LCOR: variants seen among roughly 807,000 people sequenced by gnomAD.
The protein encoded by LCOR is ligand-dependent corepressor.
A neutral mutation model predicts 64.4 loss-of-function variants in LCOR; 14 were observed. The ratio of observed to expected loss-of-function variants is 0.22; its 90% CI spans 0.14 to 0.34. The LOEUF is 0.34. LCOR is among the 10% of genes least tolerant of loss of function. The probability of loss-of-function intolerance (pLI) is 1.00; values close to 1 mark genes in which losing one functional copy is unlikely to be tolerated. For synonymous variants in LCOR, 643 were observed against 642.5 expected, an observed-to-expected ratio of 1.00 and a Z score of -0.01; for missense variants, 1,686 against 1,765.3, an observed-to-expected ratio of 0.96 and a Z score of 0.80.
In LCOR at chr10:96,983,512, A is replaced by G. The variant is rs1468968694; in HGVS notation, c.3052A>G (p.Ser1018Gly). ...APCSSLGLSS[S>G]GSGDAARAPK... ...ATGCAGCTCTCTTGGGTTGTCGAGT[A>G]GTGGAAGTGGTGATGCTGCTAGGGC... Residue 1018 changes from serine (S) to glycine (G), a missense_variant, in exon 8 of 8, where the codon AGT (serine) becomes GGT (glycine). This residue lies in a region of LCOR where 1,293 missense variants were observed against 1,410.4 expected (regional missense o/e 0.92). Coordinates refer to ENST00000421806, the MANE Select transcript of LCOR (RefSeq NM_001346516.2). This position sits in a 1 kb window ranked among gnomAD's most constrained non-coding sequence, Gnocchi z 4.5. 6.2e-7 allele frequency: 1 copy of G among 1,614,126 alleles called. No homozygotes were observed. Among genetic ancestry groups the G allele is most frequent in the South Asian group, 1.1e-5 (1 of 91,086 alleles).
intron 4 of LCOR, among the ~76,000 whole-genome samples, chr10:96,908,541 C>G (rs576493596): frequency 4.7e-4 from 71 of 152,240 alleles, no homozygotes; most frequent in African/African-American, 1.7e-3. Context: ...ATTGTATAAA[C>G]TGGGTGAACC....
intron 2 of LCOR, among the ~76,000 whole-genome samples, chr10:96,876,498 T>C (rs1374794559): frequency 2.0e-5 from 3 of 152,162 alleles, no homozygotes; most frequent in Non-Finnish European, 4.4e-5. Context: ...AATTAAATAC[T>C]TTATATGACA....
intron 2 of LCOR, among the ~76,000 whole-genome samples, chr10:96,856,524 T>C (rs1012130655): frequency 6.6e-6 from 1 of 151,326 alleles, no homozygotes; most frequent in African/African-American, 2.4e-5. Flanking sequence ...CCCACTGTCT[T>C]ACCCCGTCCC....
intron 2 of LCOR, among the ~76,000 whole-genome samples, chr10:96,842,311 CT>C (rs1275487497): frequency 1.3e-5 from 2 of 152,142 alleles, no homozygotes; most frequent in African/African-American, 4.8e-5. Context: ...AGGAGAATCG[CT>C]TGAACCCGGG....
chr10:96,943,530 T>TA (rs1217039646), intron 4 of LCOR, among the ~76,000 whole-genome samples: 1 of 152,244 alleles, frequency 6.6e-6, no homozygotes, highest in Non-Finnish European at 1.5e-5. Context: ...TTTGACCACT[T>TA]AATCAATTTA....
chr10:96,920,627 T>C (rs1251198752), intron 4 of LCOR, among the ~76,000 whole-genome samples: 1 of 146,276 alleles, frequency 6.8e-6, no homozygotes, highest in Non-Finnish European at 1.5e-5. Context: ...TATATATGTA[T>C]GTACATTCAT....
In LCOR at chr10:96,983,327, A is replaced by G. The variant is rs752398074; in HGVS notation, c.2867A>G (p.Glu956Gly). 1.8e-5 allele frequency: 29 copies of G among 1,614,116 alleles called. No individual in the cohort carries two copies. In the South Asian group the frequency reaches 3.2e-4, roughly 18 times the overall value. The change falls in exon 8 of 8, where the codon GAG (glutamate) becomes GGG (glycine). Residue 956 changes from glutamate to glycine, a missense_variant. Physicochemically the swap from Glu to Gly is moderately conservative, Grantham distance 98. Transcript: ENST00000421806. This position sits in a 1 kb window ranked among gnomAD's most constrained non-coding sequence, Gnocchi z 4.5. ...LEIYVQSKMDEKNAHIPSESI... is the reference protein window; with the variant it reads ...LEIYVQSKMDGKNAHIPSESI... Reference sequence around the variant, plus strand: ...ATCTATGTTCAGTCTAAAATGGATGAGAAGAATGCTCATATCCCCTCAGAA... The same window carrying G: ...ATCTATGTTCAGTCTAAAATGGATGGGAAGAATGCTCATATCCCCTCAGAA...
At chr10:96,951,403 T>C (rs1380412998) in intron 6 of LCOR, among the ~76,000 whole-genome samples, 6 of 152,150 alleles carry the variant, frequency 3.9e-5, no homozygotes, top group African/African-American at 1.4e-4. Flanking sequence ...GTCTTCTTAA[T>C]TGAAAAATTC....
At chr10:96,877,456 C>T (rs1333892614) in intron 2 of LCOR, among the ~76,000 whole-genome samples, 1 of 151,928 alleles carries the variant, frequency 6.6e-6, no homozygotes, top group South Asian at 2.1e-4. Context: ...CCTGGGAAGT[C>T]GTGGCTGCAG....
rs559077726 is a variant in LCOR at position 96,906,802 on chromosome 10, G to A, written c.-329-463G>A. Among the ~76,000 whole-genome samples the A allele has an allele frequency of 3.9e-5, 6 of 152,296 alleles. No homozygotes were observed. In the East Asian group the frequency reaches 9.6e-4, roughly 24 times the overall value. ...GTCTTGCACCTTGTGTTTGTGTGAT[G>A]TAGTTTTTCTCAGTAAATATTTCAT... On this transcript the variant is annotated intron_variant, in intron 2 of 7. Transcript: ENST00000421806.
At chr10:96,851,016 A>G (rs1845713718) in intron 2 of LCOR, among the ~76,000 whole-genome samples, 1 of 152,274 alleles carries the variant, frequency 6.6e-6, no homozygotes, top group African/African-American at 2.4e-5. Context: ...GCATAAGAGT[A>G]AACTTGATGT....
chr10:96,938,329 C>T (rs1294073286), intron 4 of LCOR, among the ~76,000 whole-genome samples: 1 of 151,800 alleles, frequency 6.6e-6, no homozygotes, highest in African/African-American at 2.4e-5. Context: ...CCGTAGACAC[C>T]CTCCAAAATG....
intron 2 of LCOR, among the ~76,000 whole-genome samples, chr10:96,904,288 A>C (rs948463461): frequency 6.6e-5 from 10 of 152,222 alleles, no homozygotes; most frequent in Non-Finnish European, 1.5e-5. Context: ...GGCTTCAGAA[A>C]ATGTTAGGAG....
chr10:96,888,867 A>G (rs1450822290), intron 2 of LCOR, among the ~76,000 whole-genome samples: 2 of 152,188 alleles, frequency 1.3e-5, no homozygotes, highest in Non-Finnish European at 2.9e-5. Flanking sequence ...TTCATTTGCT[A>G]TAGTTATGTT....
At chr10:96,975,299 T>C (rs1482323539) in intron 7 of LCOR, among the ~76,000 whole-genome samples, 2 of 152,214 alleles carry the variant, frequency 1.3e-5, no homozygotes, top group East Asian at 1.9e-4. Flanking sequence ...TTAGCTGTTA[T>C]AACAGGGCCT....
chr10:96,970,898 C>A (rs975276451), intron 7 of LCOR, among the ~76,000 whole-genome samples: 1 of 151,820 alleles, frequency 6.6e-6, no homozygotes, highest in African/African-American at 2.4e-5. Context: ...GAATTACAGG[C>A]GTGAGCCACC....
intron 4 of LCOR, among the ~76,000 whole-genome samples, chr10:96,914,517 T>C (rs1053390297): frequency 2.6e-5 from 4 of 152,208 alleles, no homozygotes; most frequent in African/African-American, 9.6e-5. Context: ...TTTTAATACA[T>C]TGAAAGTTTT....
chr10:96,879,043 G>C (rs1434011770), intron 2 of LCOR, among the ~76,000 whole-genome samples: 1 of 152,118 alleles, frequency 6.6e-6, no homozygotes, highest in African/African-American at 2.4e-5. Flanking sequence ...TGATTCGCCT[G>C]CCTTGACCTC....
intron 2 of LCOR, among the ~76,000 whole-genome samples, chr10:96,880,666 G>A (rs1262606314): frequency 6.6e-6 from 1 of 152,180 alleles, no homozygotes; most frequent in Non-Finnish European, 1.5e-5. Flanking sequence ...CCAAATTGTT[G>A]ACATTACAGG....
Sources: gnomAD v4.1 joint callset for allele counts (sites outside exome capture counted in the v4.1 genomes callset) on GRCh38, gnomAD v4.1.1 for gene constraint, gnomAD v4.1.1 regional missense constraint, Gnocchi (gnomAD v3.1) non-coding constraint, MANE v1.5 for transcripts, NCBI Gene and HGNC (gene_info 2026-07-23, HGNC 2026-07-21) for gene names.